NRXN1: variants seen among roughly 807,000 people sequenced by gnomAD.
The protein encoded by NRXN1 is neurexin 1.
A neutral mutation model predicts 150.9 loss-of-function variants in NRXN1; 39 were observed. The observed-to-expected ratio is 0.26, with a 90% CI of 0.20 to 0.34. NRXN1 has a LOEUF of 0.34. Among genes scored for constraint, NRXN1 ranks in the 10% least tolerant of loss-of-function variants. NRXN1 has a pLI of 1.00. For missense variants in NRXN1, 1,815 were observed against 1,949.9 expected (o/e 0.93, Z 1.30); for synonymous variants, 924 against 757.0 (o/e 1.22, Z -3.62).
At chr2:50,211,589 T>C (rs554448574) in intron 18 of NRXN1, among the ~76,000 whole-genome samples, 3 of 151,570 alleles carry the variant, frequency 2.0e-5, no homozygotes, top group Non-Finnish European at 4.4e-5. Context: ...TATTTTCATA[T>C]ATACTGGAGT....
chr2:50,483,022 G>C (rs540503103), intron 15 of NRXN1, among the ~76,000 whole-genome samples: 4 of 127,696 alleles, frequency 3.1e-5, no homozygotes, highest in Admixed American at 2.0e-4. Flanking sequence ...ATGCACTCCA[G>C]CCTGGGCGAC....
chr2:50,122,118 G>C (rs1346065407), intron 18 of NRXN1, among the ~76,000 whole-genome samples: 1 of 152,150 alleles, frequency 6.6e-6, no homozygotes, highest in African/African-American at 2.4e-5. Context: ...CAGTACAGCA[G>C]ATACACTTGC....
At chr2:50,001,774 A>G (rs1683968610) in intron 21 of NRXN1, among the ~76,000 whole-genome samples, 1 of 152,096 alleles carries the variant, frequency 6.6e-6, no homozygotes, top group Non-Finnish European at 1.5e-5. Context: ...TTAGACTGAT[A>G]AGTAATTTCT....
At chr2:50,224,693 A>AGAGAG in intron 18 of NRXN1, among the ~76,000 whole-genome samples, 1 of 130,450 alleles carries the variant, frequency 7.7e-6, no homozygotes, top group South Asian at 2.6e-4. Flanking sequence ...GAGAGGGAGA[A>AGAGAG]AGAGAGAGAG....
chr2:50,627,076 G>C (rs1681231693), intron 5 of NRXN1, among the ~76,000 whole-genome samples: 3 of 151,856 alleles, frequency 2.0e-5, no homozygotes, highest in Admixed American at 1.3e-4. Context: ...AAAACGAAAA[G>C]AAAAGAGAAT....
rs1445137732 is a variant in NRXN1, at chr2:50,998,096, T to C, written c.772+29406A>G. ...ACCAATGGCTGTTTACACCAGAGTCTTTCCAGGTTTTCTGACAAGTTTTGT... is the reference window on the plus strand; with the variant it reads ...ACCAATGGCTGTTTACACCAGAGTCCTTCCAGGTTTTCTGACAAGTTTTGT... On this transcript the variant is annotated intron_variant, in intron 2 of 22. Coordinates refer to ENST00000401669, the MANE Select transcript of NRXN1 (RefSeq NM_001330078.2). Among the ~76,000 whole-genome samples the C allele has an allele frequency of 1.4e-5, 2 of 141,502 alleles. 1 individual carries two copies. The highest frequency in any genetic ancestry group is 5.9e-5 in the African/African-American group (2 of 33,640). The allele number at this position is 141,502 out of a possible 152,430, so 92.8% of individuals were successfully genotyped here.
At chr2:50,656,516 A>G (rs1249124884) in intron 5 of NRXN1, 1 of 612,254 alleles carries the variant, frequency 1.6e-6, no homozygotes, top group Non-Finnish European at 3.0e-6. Flanking sequence ...TGAAAGGGGA[A>G]GTTAATTTAT....
intron 18 of NRXN1, among the ~76,000 whole-genome samples, chr2:50,112,710 C>T (rs1002050421): frequency 1.3e-5 from 2 of 151,596 alleles, no homozygotes; most frequent in Non-Finnish European, 3.0e-5. Flanking sequence ...CCATGTGGGG[C>T]AAGCCACTGT....
At chr2:50,439,233 A>T (rs2085711252) in intron 17 of NRXN1, among the ~76,000 whole-genome samples, 1 of 152,228 alleles carries the variant, frequency 6.6e-6, no homozygotes, top group Admixed American at 6.5e-5. Context: ...TGTTTAGTAG[A>T]TGTTTTGTCT....
chr2:50,037,397 C>A (rs910322693), intron 21 of NRXN1, among the ~76,000 whole-genome samples: 1 of 152,122 alleles, frequency 6.6e-6, no homozygotes, highest in African/African-American at 2.4e-5. Context: ...CTCCTTCTAA[C>A]ACTACTTTAA....
At chr2:49,956,961 G>C (rs6713560) in intron 21 of NRXN1, among the ~76,000 whole-genome samples, 1 of 151,840 alleles carries the variant, frequency 6.6e-6, no homozygotes, top group Non-Finnish European at 1.5e-5. Context: ...AGCTTTTAAC[G>C]GTTCTCAAAG....
At chr2:50,829,671 T>A (rs1245179904) in intron 5 of NRXN1, 1 of 1,611,498 alleles carries the variant, frequency 6.2e-7, no homozygotes, top group African/African-American at 1.3e-5. Context: ...CATAACAGGC[T>A]GACACAGCGG....
chr2:50,339,868 A>C (rs956507123), intron 17 of NRXN1, among the ~76,000 whole-genome samples: 14 of 152,202 alleles, frequency 9.2e-5, no homozygotes, highest in African/African-American at 3.4e-4. Context: ...ATTCTTAATA[A>C]CTATGAGTTA....
intron 2 of NRXN1, among the ~76,000 whole-genome samples, chr2:51,008,127 G>A (rs1209970566): frequency 6.6e-6 from 1 of 151,834 alleles, no homozygotes; most frequent in Non-Finnish European, 1.5e-5. Flanking sequence ...GTATCATTTG[G>A]TTGGGAAATA....
chr2:50,005,835 C>T (rs147724890), intron 21 of NRXN1, among the ~76,000 whole-genome samples: 2 of 152,160 alleles, frequency 1.3e-5, no homozygotes, highest in African/African-American at 4.8e-5. Flanking sequence ...GCCTCAGACG[C>T]ATTTCTGCTA....
rs368765670 is a variant in NRXN1 at position 50,501,400 on chromosome 2, AGT to A, written c.2498-3688_2498-3687del. Among the ~76,000 whole-genome samples, 618 of 148,234 alleles carry A rather than the reference AGT, an allele frequency of 4.2e-3. 2 individuals carry two copies. The highest frequency in any genetic ancestry group is 0.011 in the African/African-American group (452 of 40,298). ...TGACTCGTGTATGTGTGTGTGTGTG[AGT>A]GTGTGTGTGTGTGTGTGTGTGTGTT... On this transcript the variant is annotated intron_variant, in intron 13 of 22. Coordinates refer to ENST00000401669, the MANE Select transcript of NRXN1 (RefSeq NM_001330078.2).
Position 50,172,270 on chromosome 2 carries a change from C to T in NRXN1, c.3546+64519G>A, listed in dbSNP as rs78482621. On this transcript the variant is annotated intron_variant, in intron 18 of 22. Coordinates refer to ENST00000401669, the MANE Select transcript of NRXN1 (RefSeq NM_001330078.2). Reference sequence around the variant, plus strand: ...GAACTTTCACTATTTTAGCCTGTACCCTATTTTTTAGCACAGATTTTAATT... The same window carrying T: ...GAACTTTCACTATTTTAGCCTGTACTCTATTTTTTAGCACAGATTTTAATT... Among the ~76,000 whole-genome samples the T allele has an allele frequency of 7.4e-4, 113 of 151,970 alleles. 1 individual carries two copies. In the East Asian group the frequency reaches 0.021, roughly 28 times the overall value.
chr2:50,920,539 T>C (rs1209657727), intron 5 of NRXN1, among the ~76,000 whole-genome samples: 3 of 151,804 alleles, frequency 2.0e-5, no homozygotes, highest in Non-Finnish European at 2.9e-5. Context: ...CATATACATA[T>C]ACTTTACTCA....
At chr2:50,971,867 C>G (rs957384390) in intron 2 of NRXN1, among the ~76,000 whole-genome samples, 7 of 152,102 alleles carry the variant, frequency 4.6e-5, no homozygotes, top group South Asian at 2.1e-4. Context: ...TCTCATTTAC[C>G]TTTAAATAGC....
Sources: gnomAD v4.1 joint callset for allele counts (sites outside exome capture counted in the v4.1 genomes callset) on GRCh38, gnomAD v4.1.1 for gene constraint, MANE v1.5 for transcripts, NCBI Gene and HGNC (gene_info 2026-07-23, HGNC 2026-07-21) for gene names.